Variants in ZNF565 observed in about 807,000 individuals in gnomAD.
ZNF565 encodes the protein zinc finger protein 565.
A neutral mutation model predicts 39.4 loss-of-function variants in ZNF565; 27 were observed. The ratio of observed to expected loss-of-function variants is 0.69; its 90% CI spans 0.51 to 0.95. The LOEUF (loss-of-function observed/expected upper bound fraction) is 0.95, where lower values mean the gene tolerates loss of function less well. Ranked by LOEUF, ZNF565 falls within the 40% of genes least tolerant of loss-of-function variation. The probability of loss-of-function intolerance (pLI) is 0.00; values close to 1 mark genes in which losing one functional copy is unlikely to be tolerated. For synonymous variants in ZNF565, 185 were observed against 216.6 expected, an observed-to-expected ratio of 0.85 and a Z score of 1.28; for missense variants, 524 against 621.1, an observed-to-expected ratio of 0.84 and a Z score of 1.66.
intron 1 of ZNF565, among the ~76,000 whole-genome samples, chr19:36,232,029 C>A (rs1287618049): frequency 6.6e-6 from 1 of 151,818 alleles, no homozygotes; most frequent in Non-Finnish European, 1.5e-5. Context: ...ATGGTAAAAC[C>A]CCGTTTCTAT....
chr19:36,197,443 G>A (rs1180110093), intron 2 of ZNF565, among the ~76,000 whole-genome samples: 1 of 152,078 alleles, frequency 6.6e-6, no homozygotes, highest in East Asian at 1.9e-4. Context: ...CTGCACTCCA[G>A]CCTGGGCGAC....
chr19:36,236,458 G>C (rs758929215), intron 1 of ZNF565: 1 of 1,606,128 alleles, frequency 6.2e-7, no homozygotes, highest in Non-Finnish European at 8.5e-7. Context: ...ACCTCAGCCA[G>C]CAGAGAATTT....
chr19:36,232,945 A>G (rs1421069182), intron 1 of ZNF565, among the ~76,000 whole-genome samples: 2 of 152,236 alleles, frequency 1.3e-5, no homozygotes, highest in African/African-American at 4.8e-5. Flanking sequence ...GAATAGTTAA[A>G]GAATCTCTTA....
chr19:36,206,379 C>T (rs905242327), intron 1 of ZNF565, among the ~76,000 whole-genome samples: 5 of 151,646 alleles, frequency 3.3e-5, no homozygotes, highest in African/African-American at 4.8e-5. Flanking sequence ...GGGACCAAGG[C>T]AGGAGGATAA....
Position 36,245,478 on chromosome 19 carries a change from G to A in ZNF565, c.53C>T (p.Ala18Val), listed in dbSNP as rs1366605746. 8.5e-6 allele frequency: 6 copies of A among 702,216 alleles called. No homozygotes were observed. Among genetic ancestry groups the A allele is most frequent in the Non-Finnish European group, 1.6e-5 (6 of 384,810 alleles). 43.5% of individuals were successfully genotyped at this position (702,216 alleles called of 1,614,324 possible). Residue 18 changes from alanine (A) to valine (V), a missense_variant and splice_region_variant, in exon 1 of 5, where the codon GCA becomes GTA. Coordinates refer to the ZNF565 transcript ENST00000355114. The surrounding 1 kb of genome is among the most constrained non-coding windows in gnomAD (Gnocchi z 4.4). The stretch of plus-strand genomic sequence containing the variant: ...CCACCGCGCATCTAGGAGGTTACCT[G>A]CGTCCAGGCGGTGACTTGCGAGGGA...
At chr19:36,204,635 T>C (rs113996612) in intron 1 of ZNF565, among the ~76,000 whole-genome samples, 1,823 of 152,286 alleles carry the variant, frequency 0.012, 42 homozygotes, top group African/African-American at 0.041. Flanking sequence ...TTAATTTAAA[T>C]TTAATTAGCT....
upstream of ZNF565, among the ~76,000 whole-genome samples, chr19:36,218,941 T>C (rs1213292970): frequency 6.6e-6 from 1 of 151,752 alleles, no homozygotes; most frequent in Non-Finnish European, 1.5e-5. Flanking sequence ...CCCAAGTAGC[T>C]GGGACTACGG....
At chr19:36,187,828 A>G (rs932239839) in intron 4 of ZNF565, among the ~76,000 whole-genome samples, 1 of 149,348 alleles carries the variant, frequency 6.7e-6, no homozygotes, top group African/African-American at 2.5e-5. Context: ...TTAGTAGAGA[A>G]GGGGTTTCAC....
At chr19:36,195,187 A>G (rs1241321669) in intron 2 of ZNF565, 31 bp from the exon 3 acceptor site, 2 of 1,577,200 alleles carry the variant, frequency 1.3e-6, no homozygotes, top group Middle Eastern at 1.7e-4. Flanking sequence ...ATTAGTGTAC[A>G]TTAAGAAACT....
At chr19:36,211,049 A>C (rs1976336454) in intron 1 of ZNF565, among the ~76,000 whole-genome samples, 1 of 147,796 alleles carries the variant, frequency 6.8e-6, no homozygotes, top group Non-Finnish European at 1.5e-5. Context: ...AGAATAAAAG[A>C]GATTATAACC....
intron 4 of ZNF565, among the ~76,000 whole-genome samples, chr19:36,192,987 TTTTGTTTG>T (rs74172794): frequency 5.4e-5 from 8 of 149,330 alleles, no homozygotes; most frequent in African/African-American, 1.2e-4. Flanking sequence ...CAGCTAAGTT[TTTTGTTTG>T]TTTGTTTGTT....
intron 1 of ZNF565, among the ~76,000 whole-genome samples, chr19:36,227,389 C>CAA (rs35503795): frequency 7.4e-4 from 79 of 106,822 alleles, no homozygotes; most frequent in South Asian, 6.0e-4. Context: ...GTCTCTGTCA[C>CAA]AAAAAAAAAA....
chr19:36,187,130 C>T lies in ZNF565; in HGVS notation c.233-3397G>A, dbSNP rs145457253. ...GCTTGAACCCAGGGGGCGGAGGTTG[C>T]GGTGAGCCAATATCGTGCTATTACA... On this transcript the variant is annotated intron_variant, in intron 4 of 4. Transcript: ENST00000304116. Among the ~76,000 whole-genome samples, 749 of 151,124 alleles carry T rather than the reference C, an allele frequency of 5.0e-3. 4 individuals are homozygous for T. The highest frequency in any genetic ancestry group is 0.014 in the Middle Eastern group (4 of 294).
intron 1 of ZNF565, among the ~76,000 whole-genome samples, chr19:36,223,245 C>T (rs1301391887): frequency 2.0e-5 from 3 of 151,606 alleles, no homozygotes; most frequent in East Asian, 1.9e-4. Flanking sequence ...GGTGAAACCC[C>T]GTCTCTACTA....
chr19:36,207,566 AAAC>A (rs1276667278), intron 1 of ZNF565, among the ~76,000 whole-genome samples: 2 of 152,028 alleles, frequency 1.3e-5, no homozygotes, highest in Non-Finnish European at 2.9e-5. Flanking sequence ...CATAACAAAC[AAAC>A]AACAAAACAA....
At chr19:36,241,182 G>T (rs1977792691) in intron 1 of ZNF565, among the ~76,000 whole-genome samples, 1 of 152,202 alleles carries the variant, frequency 6.6e-6, no homozygotes, top group Admixed American at 6.5e-5. Context: ...ATGGAGGAAA[G>T]AATAATTCCC....
chr19:36,210,755 G>A (rs12982577), intron 1 of ZNF565, among the ~76,000 whole-genome samples: 7,749 of 151,726 alleles, frequency 0.051, 254 homozygotes, highest in Non-Finnish European at 0.068. Context: ...CTCCCGAGTA[G>A]CTGGGACTAC....
chr19:36,214,495 C>T (rs1270298597), intron 1 of ZNF565, 127 bp downstream of exon 1: 1 of 153,296 alleles, frequency 6.5e-6, no homozygotes, highest in Non-Finnish European at 1.5e-5. Context: ...TGCAGACACC[C>T]ACACCCAGCC....
At chr19:36,221,015 G>A (rs1167234956) in intron 1 of ZNF565, among the ~76,000 whole-genome samples, 1 of 151,796 alleles carries the variant, frequency 6.6e-6, no homozygotes, top group Non-Finnish European at 1.5e-5. Flanking sequence ...ATGACGCCTA[G>A]CTAATTTTTG....
Sources: allele counts gnomAD v4.1 joint callset (sites outside exome capture counted in the v4.1 genomes callset), GRCh38; gene constraint gnomAD v4.1.1; non-coding constraint Gnocchi (gnomAD v3.1); transcripts MANE v1.5; gene names NCBI Gene and HGNC (gene_info 2026-07-23, HGNC 2026-07-21).